The following ADGRE5 variants were observed in gnomAD, a reference collection of about 807,000 sequenced individuals.
The protein encoded by ADGRE5 is adhesion G protein-coupled receptor E5, also known as CD97 molecule.
In ADGRE5, 72 loss-of-function variants were observed where a neutral mutation model predicts 100.3. The observed-to-expected ratio is 0.72, with a 90% CI of 0.59 to 0.87. The LOEUF (loss-of-function observed/expected upper bound fraction) is 0.87, where lower values mean the gene tolerates loss of function less well. Among genes scored for constraint, ADGRE5 ranks in the 40% least tolerant of loss-of-function variants. ADGRE5 has a pLI of 0.00. For synonymous variants in ADGRE5, 439 were observed against 447.8 expected (o/e 0.98, Z 0.25); for missense variants, 959 against 1,094.7 (o/e 0.88, Z 1.75).
At chr19:14,403,157 C>T (rs1568317934) in intron 12 of ADGRE5, among the ~76,000 whole-genome samples, 2 of 151,880 alleles carry the variant, frequency 1.3e-5, no homozygotes, top group Non-Finnish European at 2.9e-5. Context: ...ATTCTCCTGC[C>T]TCAGCCTCCC....
At chr19:14,398,246 G>C in intron 9 of ADGRE5, 107 bp downstream of exon 9, 2 of 949,520 alleles carry the variant, frequency 2.1e-6, no homozygotes, top group Non-Finnish European at 3.4e-6. Flanking sequence ...TCTAGTCAGA[G>C]ACACACATGC....
intron 4 of ADGRE5, among the ~76,000 whole-genome samples, chr19:14,392,034 G>A (rs1044022380): frequency 2.7e-5 from 4 of 150,064 alleles, no homozygotes; most frequent in Non-Finnish European, 4.4e-5. Flanking sequence ...AACTCAGGAG[G>A]CAGAGGTTGC....
chr19:14,397,581 T>G (rs751452961), intron 6 of ADGRE5, 77 bp from the exon 7 acceptor site: 56 of 1,608,372 alleles, frequency 3.5e-5, no homozygotes, highest in Non-Finnish European at 4.5e-5. Flanking sequence ...CCGGGAGGAA[T>G]GAGCTGGGGG....
chr19:14,384,740 T>C (rs1555706076), intron 1 of ADGRE5, among the ~76,000 whole-genome samples: 1 of 151,978 alleles, frequency 6.6e-6, no homozygotes, highest in Non-Finnish European at 1.5e-5. Flanking sequence ...CTGTTTCCCC[T>C]TCTGCTCTTT....
intron 1 of ADGRE5, among the ~76,000 whole-genome samples, chr19:14,386,188 G>C (rs944395851): frequency 1.3e-5 from 2 of 150,914 alleles, no homozygotes; most frequent in African/African-American, 4.9e-5. Context: ...AACCATCCTG[G>C]CTAACATGGT....
intron 1 of ADGRE5, among the ~76,000 whole-genome samples, chr19:14,384,983 CTT>C (rs575538948): frequency 4.9e-5 from 4 of 82,438 alleles, no homozygotes; most frequent in East Asian, 3.3e-4. Flanking sequence ...TCTTTTCTTT[CTT>C]TTTTTTTTTT....
At chr19:14,384,502 AC>A (rs1011877223) in intron 1 of ADGRE5, among the ~76,000 whole-genome samples, 30 of 151,196 alleles carry the variant, frequency 2.0e-4, no homozygotes, top group African/African-American at 6.1e-4. Context: ...TCTGCCCGAC[AC>A]CCCCCTTCAG....
At chr19:14,386,378 CAAAAAAAA>C (rs747651350) in intron 1 of ADGRE5, 17 of 13,640 alleles carry the variant, frequency 1.2e-3, no homozygotes, top group African/African-American at 2.3e-3. Flanking sequence ...GACTCCATCT[CAAAAAAAA>C]AAAAAAAAAA....
At chr19:14,393,117 C>T (rs1032485903) in intron 4 of ADGRE5, among the ~76,000 whole-genome samples, 4 of 151,530 alleles carry the variant, frequency 2.6e-5, no homozygotes, top group African/African-American at 9.7e-5. Context: ...AGGAGAATGG[C>T]GTGAACCCGG....
chr19:14,390,277 A>G (rs919255085), intron 3 of ADGRE5, among the ~76,000 whole-genome samples: 1 of 149,926 alleles, frequency 6.7e-6, no homozygotes, highest in Non-Finnish European at 1.5e-5. Context: ...GCCTCAGTTT[A>G]CCCTTAAGAC....
chr19:14,399,004 GC>G (rs1200369706), intron 9 of ADGRE5, among the ~76,000 whole-genome samples: 3 of 151,538 alleles, frequency 2.0e-5, no homozygotes, highest in Non-Finnish European at 4.4e-5. Context: ...ACCATGCCTG[GC>G]TTATTTATTT....
In ADGRE5 at chr19:14,406,622, C is replaced by T; in HGVS notation, c.2048+65C>T. The T allele has an allele frequency of 6.2e-7, 1 of 1,600,102 alleles. No homozygotes were observed. The highest frequency in any genetic ancestry group is 1.1e-5 in the South Asian group (1 of 90,802). On this transcript the variant is annotated intron_variant, in intron 15 of 19. Coordinates refer to ENST00000242786, the MANE Select transcript of ADGRE5 (RefSeq NM_078481.4). This position sits in a 1 kb window ranked among gnomAD's most constrained non-coding sequence, Gnocchi z 6.0. ...TGGGCCTGGGGCTCACAGGCAGTGC[C>T]ACACACAATGTCCGGCCGCCCTCCG...
rs986431297 is a variant in ADGRE5 at position 14,399,547 on chromosome 19, G to A, written c.897+1408G>A. Reference sequence around the variant, plus strand: ...CCACTGCACTCCAGCCTGGGCGACAGAGCGAGACTCCGTCTCAAAAAAAAA... The same window carrying A: ...CCACTGCACTCCAGCCTGGGCGACAAAGCGAGACTCCGTCTCAAAAAAAAA... On this transcript the variant is annotated intron_variant, in intron 9 of 19. Coordinates refer to ENST00000242786, the MANE Select transcript of ADGRE5 (RefSeq NM_078481.4). 7.2e-4 allele frequency among the ~76,000 whole-genome samples: 85 copies of A among 117,392 alleles called. 1 individual carries two copies. The highest frequency in any genetic ancestry group is 4.2e-3 in the South Asian group (14 of 3,350). 77.0% of individuals were successfully genotyped at this position (117,392 alleles called of 152,430 possible). A position where few individuals can be genotyped will look rare whatever the true frequency, so the allele number is the denominator to read the frequency against.
Position 14,401,697 on chromosome 19 carries a change from A to G in ADGRE5, c.1120A>G (p.Met374Val), listed in dbSNP as rs1383085436. 5 of 1,592,100 alleles carry G rather than the reference A, an allele frequency of 3.1e-6. No individual in the cohort carries two copies. Among genetic ancestry groups the G allele is most frequent in the South Asian group, 2.3e-5 (2 of 87,748 alleles). ...GGAGCGGGGGGACAAGAACGTCACT[A>G]TGGGTCAGAGCAGCGCACGCATGAA... ...IQERGDKNVT[M>V]GQSSARMKLN... The change falls in exon 11 of 20, where the codon ATG becomes GTG. Residue 374 changes from methionine (M) to valine (V), a missense_variant. By Grantham distance (21) the Met-to-Val change is conservative. This residue lies in a region of ADGRE5 where 246 missense variants were observed against 242.2 expected (regional missense o/e 1.02). Coordinates refer to ENST00000242786, the MANE Select transcript of ADGRE5 (RefSeq NM_078481.4). The surrounding 1 kb of genome is among the most constrained non-coding windows in gnomAD (Gnocchi z 4.1).
chr19:14,405,702 G>A, intron 13 of ADGRE5, 46 bp from the exon 14 acceptor site: 1 of 1,441,632 alleles, frequency 6.9e-7, no homozygotes, highest in Non-Finnish European at 9.6e-7. Context: ...AGGGCAGGAA[G>A]GCCTCATGCC....
intron 4 of ADGRE5, among the ~76,000 whole-genome samples, chr19:14,395,301 CAA>C (rs5827226): frequency 4.4e-4 from 60 of 135,604 alleles, no homozygotes; most frequent in African/African-American, 8.2e-4. Context: ...ACGCTGTCTC[CAA>C]AAAAAAAAAA....
In ADGRE5 at chr19:14,408,177, C is replaced by G. The variant is rs376284309; in HGVS notation, c.*56C>G. ...CCTGTGGCCACAGCAGCTTTGTACA[C>G]GAAGACCATCCATCCTCCCTTCGTC... On this transcript the variant is annotated 3_prime_UTR_variant, in exon 20 of 20. Coordinates refer to ENST00000242786, the MANE Select transcript of ADGRE5 (RefSeq NM_078481.4). 1.5e-4 allele frequency: 238 copies of G among 1,581,480 alleles called. No homozygotes were observed. Among genetic ancestry groups the G allele is most frequent in the Non-Finnish European group, 1.0e-4 (115 of 1,154,616 alleles).
rs981535593 is a variant in ADGRE5, at chr19:14,401,215, T to C, written c.898-171T>C. Among the ~76,000 whole-genome samples, 3 of 152,206 alleles carry C rather than the reference T, an allele frequency of 2.0e-5. No individual in the cohort carries two copies. The highest frequency in any genetic ancestry group is 7.2e-5 in the African/African-American group (3 of 41,458). On this transcript the variant is annotated intron_variant, in intron 9 of 19. Coordinates refer to ENST00000242786, the MANE Select transcript of ADGRE5 (RefSeq NM_078481.4). This position sits in a 1 kb window ranked among gnomAD's most constrained non-coding sequence, Gnocchi z 4.1. Reference sequence around the variant, plus strand: ...TTAAGCGCTGTGATTCATACGTGCATGCAGGCAAATACTCAATCCGTCGCT... The same window carrying C: ...TTAAGCGCTGTGATTCATACGTGCACGCAGGCAAATACTCAATCCGTCGCT...
chr19:14,404,504 C>A lies in ADGRE5; in HGVS notation c.1571C>A (p.Thr524Asn). Residue 524 changes from threonine to asparagine, a missense_variant, in exon 13 of 20, where the codon ACC becomes AAC. Thr to Asn is a moderately conservative substitution (Grantham distance 65). Transcript: ENST00000242786. The stretch of plus-strand genomic sequence containing the variant: ...CTGGGCAGCAAGAACGGCAGCACCA[C>A]CTGCCAATGCAGCCACCTGAGCAGC... Reference protein sequence around the residue: ...QVLGSKNGSTTCQCSHLSSFA... With the variant: ...QVLGSKNGSTNCQCSHLSSFA... 3 of 1,612,958 alleles carry A rather than the reference C, an allele frequency of 1.9e-6. No individual in the cohort carries two copies. The highest frequency in any genetic ancestry group is 2.5e-6 in the Non-Finnish European group (3 of 1,179,642).
Sources: allele counts gnomAD v4.1 joint callset (sites outside exome capture counted in the v4.1 genomes callset), GRCh38; gene constraint gnomAD v4.1.1; regional missense constraint gnomAD v4.1.1; non-coding constraint Gnocchi (gnomAD v3.1); transcripts MANE v1.5; gene names NCBI Gene and HGNC (gene_info 2026-07-23, HGNC 2026-07-21).